WNT8B: variants seen among roughly 807,000 people sequenced by gnomAD.
WNT8B encodes the protein protein Wnt-8b.
In WNT8B, 24 loss-of-function variants were observed where a neutral mutation model predicts 36.6. The ratio of observed to expected loss-of-function variants is 0.66; its 90% CI spans 0.48 to 0.92. The LOEUF (loss-of-function observed/expected upper bound fraction) is 0.92. Among genes scored for constraint, WNT8B ranks in the 40% least tolerant of loss-of-function variants. The pLI, the probability that WNT8B is intolerant of heterozygous loss-of-function variation, is 0.00. For synonymous variants in WNT8B, 199 were observed against 189.8 expected (o/e 1.05, Z -0.40); for missense variants, 402 against 470.8 (o/e 0.85, Z 1.35).
At chr10:100,466,600 G>C (rs998919000) in intron 1 of WNT8B, among the ~76,000 whole-genome samples, 2 of 152,096 alleles carry the variant, frequency 1.3e-5, no homozygotes, top group African/African-American at 4.8e-5. Context: ...GCTCTAAGAT[G>C]CATCTTTGTT....
intron 4 of WNT8B, 94 bp from the exon 5 acceptor site, chr10:100,481,818 G>T: frequency 1.3e-6 from 2 of 1,526,474 alleles, no homozygotes; most frequent in East Asian, 2.4e-5. Flanking sequence ...CTCCTATCCT[G>T]GACCCCCCCA....
At position 100,482,332 on chromosome 10, in the gene WNT8B, C is replaced by A; in HGVS notation, c.572C>A (p.Thr191Lys). Residue 191 changes from threonine (T) to lysine (K), a missense_variant, in exon 6 of 6, where the codon ACG becomes AAG. Thr to Lys is a moderately conservative substitution (Grantham distance 78). Transcript: ENST00000343737. This position sits in a 1 kb window ranked among gnomAD's most constrained non-coding sequence, Gnocchi z 6.6. ...KCHGVSGSCT[T>K]QTCWLQLPEF... ...CACGGCGTGTCTGGCAGCTGCACCA[C>A]GCAGACCTGTTGGCTGCAGCTGCCC... The A allele has an allele frequency of 1.2e-6, 2 of 1,602,998 alleles. No individual in the cohort carries two copies. Among genetic ancestry groups the A allele is most frequent in the African/African-American group, 1.3e-5 (1 of 75,050 alleles).
In WNT8B at chr10:100,482,642, C is replaced by T; in HGVS notation, c.882C>T (p.Cys294=). 1 of 1,604,468 alleles carries T rather than the reference C, an allele frequency of 6.2e-7. No homozygotes were observed. Among genetic ancestry groups the T allele is most frequent in the Non-Finnish European group, 8.5e-7 (1 of 1,178,106 alleles). Residue 294 remains cysteine, a synonymous_variant, in exon 6 of 6, where the codon TGC becomes TGT. Transcript: ENST00000343737. The surrounding 1 kb of genome is among the most constrained non-coding windows in gnomAD (Gnocchi z 6.6). ...RRSCRRLCGD[C]GLAVEERRAE... ...GCTGCCGCCGGCTCTGCGGGGACTGCGGGCTGGCGGTGGAGGAGCGCCGGG... is the reference window on the plus strand; with the variant it reads ...GCTGCCGCCGGCTCTGCGGGGACTGTGGGCTGGCGGTGGAGGAGCGCCGGG...
intron 1 of WNT8B, 83 bp downstream of exon 1, chr10:100,463,319 A>C: frequency 7.1e-7 from 1 of 1,403,164 alleles, no homozygotes; most frequent in African/African-American, 1.4e-5. Context: ...CATTTCCAGA[A>C]ATGTAGGAAG....
intron 4 of WNT8B, among the ~76,000 whole-genome samples, chr10:100,481,449 C>T (rs1377991534): frequency 6.6e-6 from 1 of 152,202 alleles, no homozygotes; most frequent in Non-Finnish European, 1.5e-5. Flanking sequence ...CTCTTTACCT[C>T]CAGTGCTGTC....
Position 100,483,407 on chromosome 10 carries a change from A to T in WNT8B, c.*591A>T, listed in dbSNP as rs1001137208. The stretch of plus-strand genomic sequence containing the variant: ...GTTGGTTCCTAGAGGCAGAGGTTGA[A>T]GATGGAAGAGGGAGCTCTGGAGTGC... On this transcript the variant is annotated 3_prime_UTR_variant, in exon 6 of 6. Transcript: ENST00000343737. The T allele has an allele frequency of 2.6e-5, 4 of 152,260 alleles. No homozygotes were observed. Among genetic ancestry groups the T allele is most frequent in the Admixed American group, 2.0e-4 (3 of 15,276 alleles). 9.4% of individuals were successfully genotyped at this position (152,260 alleles called of 1,614,324 possible). A position where few individuals can be genotyped will look rare whatever the true frequency, so the allele number is the denominator to read the frequency against.
chr10:100,483,004 A>G lies in WNT8B; in HGVS notation c.*188A>G, dbSNP rs551944446. On this transcript the variant is annotated 3_prime_UTR_variant, in exon 6 of 6. Transcript: ENST00000343737. ...CCCCAATTCCTCTGTGCTCTCCTAG[A>G]GCTCTGTCTGAATCCTCGCAGCCAC... 2.0e-5 allele frequency: 13 copies of G among 637,622 alleles called. No individual in the cohort carries two copies. The African/African-American group carries it at 2.5e-4, about 12-fold the overall frequency. The allele number at this position is 637,622 out of a possible 1,614,324, so 39.5% of individuals were successfully genotyped here. A position where few individuals can be genotyped will look rare whatever the true frequency, so the allele number is the denominator to read the frequency against.
chr10:100,469,250 C>T (rs926622089), intron 1 of WNT8B, among the ~76,000 whole-genome samples: 2 of 152,152 alleles, frequency 1.3e-5, no homozygotes, highest in African/African-American at 2.4e-5. Context: ...CCATCCTCCC[C>T]CAACCAGTTA....
Position 100,463,052 on chromosome 10 carries a change from C to A in WNT8B, c.-117C>A. 1.1e-6 allele frequency: 1 copy of A among 924,572 alleles called. No homozygotes were observed. The highest frequency in any genetic ancestry group is 1.7e-6 in the Non-Finnish European group (1 of 589,630). The allele number at this position is 924,572 out of a possible 1,614,324, so 57.3% of individuals were successfully genotyped here. A position where few individuals can be genotyped will look rare whatever the true frequency, so the allele number is the denominator to read the frequency against. ...ACTCTGTTTGGGATCGCTTACACAC[C>A]AAGGAAGTTGGGCTTTGAGAATTCC... is the stretch of plus-strand genomic sequence containing the variant. On this transcript the variant is annotated 5_prime_UTR_variant, in exon 1 of 6. Transcript: ENST00000343737.
intron 1 of WNT8B, among the ~76,000 whole-genome samples, chr10:100,476,245 G>A (rs1290626949): frequency 1.3e-5 from 2 of 152,072 alleles, no homozygotes; most frequent in African/African-American, 4.8e-5. Flanking sequence ...GGAGGCAGAG[G>A]TTGCAGTAAG....
chr10:100,466,528 G>C (rs1187627241), intron 1 of WNT8B, among the ~76,000 whole-genome samples: 1 of 152,026 alleles, frequency 6.6e-6, no homozygotes, highest in Non-Finnish European at 1.5e-5. Flanking sequence ...GAGTATCCTG[G>C]GAAAAGACAC....
rs558455669 is a variant in WNT8B, at chr10:100,480,995, T to C, written c.242-3T>C. On this transcript the variant is annotated splice_region_variant and splice_polypyrimidine_tract_variant and intron_variant, in intron 3 of 5. Transcript: ENST00000343737. Reference sequence around the variant, plus strand: ...CTAACTCTGGATTTTTGGTTCCTGCTAGCCAATCGGGAGACAGCATTTGTG... The same window carrying C: ...CTAACTCTGGATTTTTGGTTCCTGCCAGCCAATCGGGAGACAGCATTTGTG... 6.2e-7 allele frequency: 1 copy of C among 1,613,872 alleles called. No individual in the cohort carries two copies. Among genetic ancestry groups the C allele is most frequent in the South Asian group, 1.1e-5 (1 of 91,076 alleles).
intron 1 of WNT8B, among the ~76,000 whole-genome samples, chr10:100,468,584 T>G (rs920328206): frequency 3.9e-5 from 6 of 152,252 alleles, no homozygotes; most frequent in Non-Finnish European, 5.9e-5. Flanking sequence ...CTCATTTAGA[T>G]GCTAAGTGCT....
intron 1 of WNT8B, among the ~76,000 whole-genome samples, chr10:100,477,442 A>G (rs9420783): frequency 0.019 from 2,880 of 151,978 alleles, 85 homozygotes; most frequent in African/African-American, 0.065. Context: ...TGGAACTACA[A>G]GTGCCCACCA....
chr10:100,476,623 T>G (rs1851041154), intron 1 of WNT8B, among the ~76,000 whole-genome samples: 2 of 152,196 alleles, frequency 1.3e-5, no homozygotes. Context: ...ATTCCCGTAT[T>G]ACTTTCTCAC....
At position 100,482,749 on chromosome 10, in the gene WNT8B, A is replaced by C. The variant is rs752988124; in HGVS notation, c.989A>C (p.Lys330Thr). The change falls in exon 6 of 6, where the codon AAG (lysine) becomes ACG (threonine). Residue 330 changes from lysine to threonine, a missense_variant. Physicochemically the swap from Lys to Thr is moderately conservative, Grantham distance 78 (BLOSUM62 -1). Around this residue, in one of 3 missense-constraint regions of WNT8B, gnomAD observed 256 missense variants for 278.6 expected, o/e 0.92. Transcript: ENST00000343737. The surrounding 1 kb of genome is among the most constrained non-coding windows in gnomAD (Gnocchi z 6.6). ...RCEQCRRRVT[K>T]YFCSRAERPR... ...GAGCAGTGCCGCCGGAGGGTCACCA[A>C]GTACTTCTGTAGCCGCGCAGAGCGG... 1.9e-6 allele frequency: 3 copies of C among 1,603,096 alleles called. No individual in the cohort carries two copies. The highest frequency in any genetic ancestry group is 2.6e-6 in the Non-Finnish European group (3 of 1,174,888).
intron 1 of WNT8B, among the ~76,000 whole-genome samples, chr10:100,478,403 G>A (rs1205083846): frequency 1.3e-5 from 2 of 152,144 alleles, no homozygotes; most frequent in Admixed American, 1.3e-4. Flanking sequence ...ACCGAGAGTA[G>A]AGCATAAGGA....
chr10:100,477,015 T>C (rs1250327691), intron 1 of WNT8B, among the ~76,000 whole-genome samples: 1 of 152,228 alleles, frequency 6.6e-6, no homozygotes, highest in Non-Finnish European at 1.5e-5. Flanking sequence ...CCCAAGACTT[T>C]CTCATGTTAC....
At position 100,479,103 on chromosome 10, in the gene WNT8B, T is replaced by A. The variant is rs369309091; in HGVS notation, c.102+18T>A. ...GTCCAAAGGTAAGAACAAATTCCAT[T>A]AATTGATATGGATTTCACTAATCTT... On this transcript the variant is annotated intron_variant, in intron 2 of 5. Transcript: ENST00000343737. 2.5e-6 allele frequency: 4 copies of A among 1,592,646 alleles called. No homozygotes were observed. Among genetic ancestry groups the A allele is most frequent in the Non-Finnish European group, 3.4e-6 (4 of 1,172,834 alleles).
Sources: allele counts gnomAD v4.1 joint callset (sites outside exome capture counted in the v4.1 genomes callset), GRCh38; gene constraint gnomAD v4.1.1; regional missense constraint gnomAD v4.1.1; non-coding constraint Gnocchi (gnomAD v3.1); transcripts MANE v1.5; gene names NCBI Gene and HGNC (gene_info 2026-07-23, HGNC 2026-07-21).